PBX3: variants seen among roughly 807,000 people sequenced by gnomAD.
PBX3 encodes pre-B-cell leukemia transcription factor 3.
In PBX3, 14 loss-of-function variants were observed where a neutral mutation model predicts 48.5. That is an observed-to-expected ratio of 0.29 (90% CI 0.19 to 0.45). The LOEUF is 0.45. PBX3 is among the 20% of genes least tolerant of loss of function. The probability of loss-of-function intolerance (pLI) is 1.00; values close to 1 mark genes in which losing one functional copy is unlikely to be tolerated. For missense variants in PBX3, 386 were observed against 546.7 expected (o/e 0.71, Z 2.93); for synonymous variants, 210 against 200.3 (o/e 1.05, Z -0.41).
chr9:125,788,794 G>A (rs1270678271), intron 2 of PBX3, among the ~76,000 whole-genome samples: 2 of 151,746 alleles, frequency 1.3e-5, no homozygotes, highest in East Asian at 3.9e-4. Context: ...AGAATGGCTT[G>A]AACCTGGGAG....
chr9:125,900,882 T>C (rs1840929563), intron 2 of PBX3, among the ~76,000 whole-genome samples: 1 of 150,590 alleles, frequency 6.6e-6, no homozygotes, highest in African/African-American at 2.5e-5. Flanking sequence ...GTTCATCCCA[T>C]AGGCCAAAGT....
chr9:125,789,389 T>A (rs953316112), intron 2 of PBX3, among the ~76,000 whole-genome samples: 14 of 152,224 alleles, frequency 9.2e-5, no homozygotes, highest in African/African-American at 3.1e-4. Flanking sequence ...TGCAGTTATC[T>A]TGAGAGTCAC....
At chr9:125,907,052 A>ATACAC (rs1841090154) in intron 2 of PBX3, among the ~76,000 whole-genome samples, 2 of 150,946 alleles carry the variant, frequency 1.3e-5, no homozygotes, top group African/African-American at 5.0e-5. Context: ...GAGACCACTA[A>ATACAC]TAATGAGCAA....
intron 2 of PBX3, among the ~76,000 whole-genome samples, chr9:125,772,642 C>T (rs1442491702): frequency 1.3e-5 from 2 of 152,212 alleles, no homozygotes; most frequent in African/African-American, 2.4e-5. Context: ...GCCACTAATT[C>T]GTAGCTTTCA....
chr9:125,773,103 TTGATC>T (rs1237172442), intron 2 of PBX3, among the ~76,000 whole-genome samples: 1 of 152,158 alleles, frequency 6.6e-6, no homozygotes, highest in Non-Finnish European at 1.5e-5. Flanking sequence ...AAACAAGGGA[TTGATC>T]TGATCAGATT....
intron 2 of PBX3, among the ~76,000 whole-genome samples, chr9:125,765,425 C>CAGGCGTG (rs1167677303): frequency 1.3e-5 from 2 of 152,132 alleles, no homozygotes; most frequent in Non-Finnish European, 2.9e-5. Flanking sequence ...GCTGGGATTA[C>CAGGCGTG]AGGCGTGAGG....
intron 2 of PBX3, among the ~76,000 whole-genome samples, chr9:125,790,393 C>T (rs1304415877): frequency 1.3e-5 from 2 of 151,862 alleles, no homozygotes; most frequent in African/African-American, 4.8e-5. Flanking sequence ...GCTGGGACTA[C>T]AGGCATGCAC....
At chr9:125,830,391 TCAAA>T (rs891513895) in intron 2 of PBX3, among the ~76,000 whole-genome samples, 28 of 152,280 alleles carry the variant, frequency 1.8e-4, no homozygotes, top group Middle Eastern at 6.8e-3. Context: ...GCATAAAATT[TCAAA>T]CAAACAAACT....
chr9:125,839,875 T>C (rs949486727), intron 2 of PBX3, among the ~76,000 whole-genome samples: 16 of 152,188 alleles, frequency 1.1e-4, no homozygotes, highest in African/African-American at 3.6e-4. Context: ...ACATCTGATA[T>C]ATGTATACTC....
At chr9:125,767,544 C>T (rs896902376) in intron 2 of PBX3, among the ~76,000 whole-genome samples, 1 of 152,070 alleles carries the variant, frequency 6.6e-6, no homozygotes, top group African/African-American at 2.4e-5. Context: ...GTGTAGTTTC[C>T]TATGTGAAAG....
chr9:125,891,202 A>G (rs1049696878), intron 2 of PBX3, among the ~76,000 whole-genome samples: 4 of 152,226 alleles, frequency 2.6e-5, no homozygotes, highest in African/African-American at 9.6e-5. Context: ...AACAAATGAC[A>G]TTTGCTTCCT....
intron 3 of PBX3, among the ~76,000 whole-genome samples, chr9:125,919,302 T>C (rs1032713565): frequency 1.3e-5 from 2 of 151,684 alleles, no homozygotes; most frequent in Non-Finnish European, 2.9e-5. Flanking sequence ...CGACCTCCGC[T>C]TCCCAGGTTC....
rs1198760990 is a variant in PBX3, at chr9:125,772,760, T to C, written c.274+24137T>C. On this transcript the variant is annotated intron_variant, in intron 2 of 8. Transcript: ENST00000373489. ...TATTGCTGTTATCTTATCTATTCAT[T>C]TATCTCTTCGAGAAACATACTGGGG... Among the ~76,000 whole-genome samples the C allele has an allele frequency of 8.2e-5, 12 of 146,524 alleles. No homozygotes were observed. In the East Asian group the frequency reaches 3.1e-3, roughly 38 times the overall value.
intron 2 of PBX3, among the ~76,000 whole-genome samples, chr9:125,903,130 CT>C (rs1564165596): frequency 2.6e-5 from 4 of 151,748 alleles, no homozygotes; most frequent in Admixed American, 2.6e-4. Flanking sequence ...AAAGATCTTT[CT>C]TTTTTTGTTT....
At chr9:125,812,902 G>A (rs1450964857) in intron 2 of PBX3, among the ~76,000 whole-genome samples, 1 of 152,116 alleles carries the variant, frequency 6.6e-6, no homozygotes, top group African/African-American at 2.4e-5. Flanking sequence ...GATAAAACAT[G>A]GTATAGCTGT....
intron 5 of PBX3, among the ~76,000 whole-genome samples, chr9:125,954,919 C>CAGTTTTATTTTA (rs1842270197): frequency 6.6e-6 from 1 of 152,130 alleles, no homozygotes; most frequent in African/African-American, 2.4e-5. Flanking sequence ...AATAGTGTTA[C>CAGTTTTATTTTA]AGTTTTATTT....
chr9:125,960,628 AATTTG>A, intron 5 of PBX3, 51 bp from the exon 6 acceptor site: 1 of 1,541,172 alleles, frequency 6.5e-7, no homozygotes, highest in South Asian at 1.2e-5. Flanking sequence ...GTATTATTGG[AATTTG>A]ATTACTTCTT....
intron 4 of PBX3, among the ~76,000 whole-genome samples, chr9:125,933,121 A>G (rs1395317173): frequency 6.6e-6 from 1 of 152,244 alleles, no homozygotes; most frequent in African/African-American, 2.4e-5. Context: ...GTGAATGCAA[A>G]TACTGAGCTT....
chr9:125,858,336 T>C (rs1470540692), intron 2 of PBX3, among the ~76,000 whole-genome samples: 1 of 152,252 alleles, frequency 6.6e-6, no homozygotes, highest in Non-Finnish European at 1.5e-5. Flanking sequence ...GTTTGTATAT[T>C]GTTATGCTAT....
Sources: gnomAD v4.1 joint callset for allele counts (sites outside exome capture counted in the v4.1 genomes callset) on GRCh38, gnomAD v4.1.1 for gene constraint, MANE v1.5 for transcripts, NCBI Gene and HGNC (gene_info 2026-07-23, HGNC 2026-07-21) for gene names.